The following MPDZ variants were observed in gnomAD, a reference collection of about 807,000 sequenced individuals.
MPDZ encodes the protein multiple PDZ domain protein.
Under a neutral mutation model 239.1 loss-of-function variants are expected in MPDZ, and 234 were observed. The observed-to-expected ratio is 0.98, with a 90% CI of 0.88 to 1.09. The LOEUF (loss-of-function observed/expected upper bound fraction) is 1.09, where lower values mean the gene tolerates loss of function less well. MPDZ is among the 50% of genes least tolerant of loss of function. The pLI, the probability that MPDZ is intolerant of heterozygous loss-of-function variation, is 0.00. For missense variants in MPDZ, 3,175 were observed against 2,510.0 expected (o/e 1.26, Z -5.66); for synonymous variants, 1,048 against 881.3 (o/e 1.19, Z -3.35).
At chr9:13,188,742 G>A in intron 17 of MPDZ, 42 bp downstream of exon 17, 1 of 1,562,442 alleles carries the variant, frequency 6.4e-7, no homozygotes, top group Non-Finnish European at 8.7e-7. Context: ...GAACCATTTT[G>A]CTTATAAATA....
rs770643823 is a variant in MPDZ, at chr9:13,193,265, G to A, written c.1705C>T (p.Leu569=). Residue 569 remains leucine (L), a synonymous_variant, in exon 14 of 47, where the codon CTG becomes TTG. Transcript: ENST00000319217. ...FSENSGLGIS[L]EATVGHHFIR... is the part of the protein sequence containing the mutation. The stretch of plus-strand genomic sequence containing the variant: ...AAATGATGTCCCACTGTCGCTTCCA[G>A]GCTTATCCCCAATCCACTGTTCTCA... 1 of 1,612,302 alleles carries A rather than the reference G, an allele frequency of 6.2e-7. No homozygotes were observed. The highest frequency in any genetic ancestry group is 8.5e-7 in the Non-Finnish European group (1 of 1,178,930).
rs188349862 is a variant in MPDZ at position 13,213,343 on chromosome 9, T to A, written c.1290+3431A>T. Among the ~76,000 whole-genome samples the A allele has an allele frequency of 4.6e-5, 7 of 152,166 alleles. No homozygotes were observed. The East Asian group carries it at 1.4e-3, about 30-fold the overall frequency. ...CAAGAACCTTATAACAAAATATTTTTAAGTTACAAAATAACTCTTCAAAAT... is the reference window on the plus strand; with the variant it reads ...CAAGAACCTTATAACAAAATATTTTAAAGTTACAAAATAACTCTTCAAAAT... On this transcript the variant is annotated intron_variant, in intron 10 of 46. Transcript: ENST00000319217.
At chr9:13,176,668 C>T (rs892433267) in intron 19 of MPDZ, among the ~76,000 whole-genome samples, 1 of 152,012 alleles carries the variant, frequency 6.6e-6, no homozygotes, top group East Asian at 1.9e-4. Context: ...TATACTTGTA[C>T]AAGATACTGT....
At chr9:13,197,016 A>G (rs955980410) in intron 12 of MPDZ, among the ~76,000 whole-genome samples, 8 of 151,896 alleles carry the variant, frequency 5.3e-5, no homozygotes, top group Admixed American at 5.2e-4. Flanking sequence ...AAAAATGTTA[A>G]AAAATTCAGA....
At chr9:13,177,454 T>C (rs1952647731) in intron 19 of MPDZ, among the ~76,000 whole-genome samples, 1 of 152,152 alleles carries the variant, frequency 6.6e-6, no homozygotes. Flanking sequence ...AATATATACA[T>C]ATAAGTACAC....
rs1403453270 is a variant in MPDZ at position 13,117,280 on chromosome 9, A to AT, written c.5380-1947dup. Among the ~76,000 whole-genome samples, 8 of 152,218 alleles carry AT rather than the reference A, an allele frequency of 5.3e-5. 1 individual carries two copies. In the Middle Eastern group the frequency reaches 0.01, roughly 194 times the overall value. Reference sequence around the variant, plus strand: ...ATTTTATCATGTTAAAATAGTTGTCATGACACTTTGGGAGGCCGAGATGGG... The same window carrying AT: ...ATTTTATCATGTTAAAATAGTTGTCATTGACACTTTGGGAGGCCGAGATGGG... On this transcript the variant is annotated intron_variant, in intron 39 of 46. Transcript: ENST00000319217.
intron 1 of MPDZ, among the ~76,000 whole-genome samples, chr9:13,268,552 G>C (rs1021643150): frequency 2.0e-5 from 3 of 152,026 alleles, no homozygotes; most frequent in Non-Finnish European, 4.4e-5. Context: ...GTAATTATAC[G>C]GCAACGTGAT....
chr9:13,168,709 AGT>A, intron 21 of MPDZ, 145 bp from the exon 22 acceptor site: 1 of 659,476 alleles, frequency 1.5e-6, no homozygotes, highest in South Asian at 2.5e-5. Context: ...AACAGGAAAA[AGT>A]GTTTCTAACA....
chr9:13,167,094 A>T (rs1370924124), intron 22 of MPDZ, among the ~76,000 whole-genome samples: 1 of 152,142 alleles, frequency 6.6e-6, no homozygotes, highest in Non-Finnish European at 1.5e-5. Flanking sequence ...TGCATTTTAT[A>T]CTACATCTAA....
chr9:13,276,161 T>C (rs1164755088), intron 1 of MPDZ, among the ~76,000 whole-genome samples: 1 of 152,196 alleles, frequency 6.6e-6, no homozygotes, highest in Non-Finnish European at 1.5e-5. Context: ...CCCCAATGCC[T>C]AACCCAATAC....
chr9:13,201,860 T>C (rs996986622), intron 12 of MPDZ, among the ~76,000 whole-genome samples: 3 of 152,176 alleles, frequency 2.0e-5, no homozygotes, highest in South Asian at 2.1e-4. Flanking sequence ...ATTTTTTAAA[T>C]TTCATTTTGT....
In MPDZ at chr9:13,113,045, T is replaced by G. The variant is rs199730853; in HGVS notation, c.5567A>C (p.Glu1856Ala). The G allele has an allele frequency of 8.7e-5, 137 of 1,583,108 alleles. 1 individual carries two copies. The highest frequency in any genetic ancestry group is 5.4e-5 in the Admixed American group (3 of 55,696). ...SSSKKNALAS[E>A]IQGLRTVEMK... ...TTCGACTGTTCTTAATCCCTGTATT[T>G]CAGATGCCACTGTAAAGGCAAAAAA... Residue 1856 changes from glutamate (E) to alanine (A), a missense_variant, in exon 42 of 47, where the codon GAA becomes GCA. Coordinates refer to ENST00000319217, the MANE Select transcript of MPDZ (RefSeq NM_001378778.1).
chr9:13,174,702 C>T (rs764630963), intron 21 of MPDZ, among the ~76,000 whole-genome samples: 1 of 152,172 alleles, frequency 6.6e-6, no homozygotes, highest in Non-Finnish European at 1.5e-5. Flanking sequence ...GCTTAGATAT[C>T]TGTCTCATAA....
At chr9:13,166,776 G>A (rs1037078727) in intron 22 of MPDZ, among the ~76,000 whole-genome samples, 1 of 151,990 alleles carries the variant, frequency 6.6e-6, no homozygotes, top group African/African-American at 2.4e-5. Flanking sequence ...CAGTGGGAGA[G>A]GGGAAACGGA....
intron 1 of MPDZ, among the ~76,000 whole-genome samples, chr9:13,262,835 GTAGTT>G (rs1970992923): frequency 6.6e-6 from 1 of 151,938 alleles, no homozygotes; most frequent in East Asian, 1.9e-4. Context: ...TACAGAATAA[GTAGTT>G]TATTTATATT....
In MPDZ at chr9:13,116,473, T is replaced by C. The variant is rs145597409; in HGVS notation, c.5380-1139A>G. 1.6e-3 allele frequency among the ~76,000 whole-genome samples: 245 copies of C among 152,292 alleles called. 2 individuals are homozygous for C. Among genetic ancestry groups the C allele is most frequent in the African/African-American group, 5.7e-3 (235 of 41,560 alleles). ...TCAGTGATGAGAGTACAAAGGGATG[T>C]GTTATTCTGAAGATGTTGATCATGA... On this transcript the variant is annotated intron_variant, in intron 39 of 46. Coordinates refer to ENST00000319217, the MANE Select transcript of MPDZ (RefSeq NM_001378778.1).
chr9:13,112,748 T>C (rs1217969283), intron 42 of MPDZ, among the ~76,000 whole-genome samples: 1 of 152,188 alleles, frequency 6.6e-6, no homozygotes, highest in Admixed American at 6.5e-5. Context: ...TTATAAGAAG[T>C]GAGAGGCATG....
At chr9:13,169,109 A>T (rs1054875798) in intron 21 of MPDZ, among the ~76,000 whole-genome samples, 1 of 152,180 alleles carries the variant, frequency 6.6e-6, no homozygotes, top group Admixed American at 6.5e-5. Context: ...AGAAGCCTGT[A>T]TTGAAGTCTT....
chr9:13,200,330 C>A (rs181270561), intron 12 of MPDZ, among the ~76,000 whole-genome samples: 7 of 151,766 alleles, frequency 4.6e-5, no homozygotes, highest in African/African-American at 1.2e-4. Context: ...TATTTTAGGT[C>A]TTTTTGGCTT....
Sources: allele counts gnomAD v4.1 joint callset (sites outside exome capture counted in the v4.1 genomes callset), GRCh38; gene constraint gnomAD v4.1.1; transcripts MANE v1.5; gene names NCBI Gene and HGNC (gene_info 2026-07-23, HGNC 2026-07-21).